Variants in ABRAXAS2 observed in about 807,000 individuals in gnomAD.
The protein encoded by ABRAXAS2 is abraxas 2, BRISC complex subunit.
A neutral mutation model predicts 49.0 loss-of-function variants in ABRAXAS2; 23 were observed. That is an observed-to-expected ratio of 0.47 (90% confidence interval 0.34 to 0.66). The LOEUF is 0.66. Ranked by LOEUF, ABRAXAS2 falls within the 30% of genes least tolerant of loss-of-function variation. ABRAXAS2 has a pLI of 0.01. For missense variants in ABRAXAS2, 443 were observed against 511.9 expected, an observed-to-expected ratio of 0.87 and a Z score of 1.30; for synonymous variants, 168 against 180.2, an observed-to-expected ratio of 0.93 and a Z score of 0.54.
intron 2 of ABRAXAS2, among the ~76,000 whole-genome samples, chr10:124,812,442 C>T (rs1225506696): frequency 6.6e-6 from 1 of 152,052 alleles, no homozygotes; most frequent in Non-Finnish European, 1.5e-5. Context: ...GCCAGGAGTT[C>T]AAGACCGGCT....
At position 124,829,457 on chromosome 10, in the gene ABRAXAS2, G is replaced by A; in HGVS notation, c.643G>A (p.Ala215Thr). The A allele has an allele frequency of 6.2e-7, 1 of 1,607,418 alleles. No individual in the cohort carries two copies. Among genetic ancestry groups the A allele is most frequent in the Non-Finnish European group, 8.5e-7 (1 of 1,175,698 alleles). The part of the protein sequence containing the change: ...DIRAIYQVYN[A>T]LQEKVQAVCA... ...CAGGGCGATTTATCAGGTTTATAAT[G>A]CACTTCAGGAGAAAGTTCAGGTAAC... The change falls in exon 7 of 9, where the codon GCA (alanine) becomes ACA (threonine). Residue 215 changes from alanine (A) to threonine (T), a missense_variant. Around this residue, in one of 3 missense-constraint regions of ABRAXAS2, gnomAD observed 166 missense variants for 247.3 expected, o/e 0.67. Coordinates refer to ENST00000298492, the MANE Select transcript of ABRAXAS2 (RefSeq NM_032182.4).
At chr10:124,825,173 C>T (rs1425387134) in intron 4 of ABRAXAS2, among the ~76,000 whole-genome samples, 5 of 151,870 alleles carry the variant, frequency 3.3e-5, no homozygotes, top group Non-Finnish European at 5.9e-5. Context: ...AATAAATTAG[C>T]CAGGCGCGGT....
At chr10:124,802,004 C>T (rs1369362095) in intron 1 of ABRAXAS2, 103 bp downstream of exon 1, 8 of 1,185,664 alleles carry the variant, frequency 6.7e-6, no homozygotes, top group Non-Finnish European at 9.6e-6. Flanking sequence ...GCCCCCTGGG[C>T]ACCAGGGCCG....
At chr10:124,826,541 C>A in intron 4 of ABRAXAS2, 54 bp from the exon 5 acceptor site, 2 of 1,536,476 alleles carry the variant, frequency 1.3e-6, no homozygotes, top group Non-Finnish European at 1.8e-6. Flanking sequence ...TGTATGGATA[C>A]ATTCAGAATT....
chr10:124,834,556 C>T lies in ABRAXAS2; in HGVS notation c.833C>T (p.Ala278Val), dbSNP rs767502502. Residue 278 changes from alanine (A) to valine (V), a missense_variant, in exon 9 of 9, where the codon GCG (alanine) becomes GTG (valine). Ala to Val is a moderately conservative substitution (Grantham distance 64, BLOSUM62 0). This residue lies in a region of ABRAXAS2 where 230 missense variants were observed against 237.0 expected (regional missense o/e 0.97). Transcript: ENST00000298492. ...ATGCCGTCTGAAAGCTTGGACCCAG[C>T]GTTCAGTCCTCGGATGCCGTCCTCT... ...RQMPSESLDP[A>V]FSPRMPSSGF... 4 of 1,614,182 alleles carry T rather than the reference C, an allele frequency of 2.5e-6. No individual in the cohort carries two copies. Among genetic ancestry groups the T allele is most frequent in the East Asian group, 2.2e-5 (1 of 44,886 alleles).
chr10:124,829,323 G>C, intron 6 of ABRAXAS2, 70 bp from the exon 7 acceptor site: 1 of 1,060,662 alleles, frequency 9.4e-7, no homozygotes, highest in Non-Finnish European at 1.5e-6. Context: ...GGAAGAGGCA[G>C]GAAAAATGCC....
chr10:124,818,135 G>A (rs963016675), intron 3 of ABRAXAS2, among the ~76,000 whole-genome samples: 3 of 152,154 alleles, frequency 2.0e-5, no homozygotes, highest in East Asian at 1.9e-4. Context: ...GGTGGCTCAC[G>A]CCTGTAATCC....
intron 4 of ABRAXAS2, among the ~76,000 whole-genome samples, chr10:124,825,627 A>C (rs1950891815): frequency 6.6e-6 from 1 of 152,226 alleles, no homozygotes; most frequent in Admixed American, 6.5e-5. Flanking sequence ...ATCTCAATTT[A>C]CTATTAATTT....
intron 4 of ABRAXAS2, among the ~76,000 whole-genome samples, chr10:124,823,011 A>T (rs540156585): frequency 6.6e-6 from 1 of 152,314 alleles, no homozygotes; most frequent in African/African-American, 2.4e-5. Flanking sequence ...TTTGTGCTAA[A>T]ACAAATGTTC....
intron 1 of ABRAXAS2, among the ~76,000 whole-genome samples, chr10:124,806,395 C>T (rs2134157692): frequency 6.6e-6 from 1 of 151,992 alleles, no homozygotes; most frequent in Middle Eastern, 3.4e-3. Context: ...ATTTTCTATG[C>T]CAGCCTGTAT....
chr10:124,834,423 C>G lies in ABRAXAS2; in HGVS notation c.779-79C>G, dbSNP rs1341473259. On this transcript the variant is annotated intron_variant, in intron 8 of 8. Coordinates refer to ENST00000298492, the MANE Select transcript of ABRAXAS2 (RefSeq NM_032182.4). Reference sequence around the variant, plus strand: ...CCTCACTGCTATTTTCCAGAACATTCAGGTTGGCCGTGTTATACATTGAGA... The same window carrying G: ...CCTCACTGCTATTTTCCAGAACATTGAGGTTGGCCGTGTTATACATTGAGA... The G allele has an allele frequency of 2.5e-6, 3 of 1,222,068 alleles. No individual in the cohort carries two copies. In the African/African-American group the frequency reaches 4.5e-5, roughly 18 times the overall value. 75.7% of individuals were successfully genotyped at this position (1,222,068 alleles called of 1,614,324 possible). A position where few individuals can be genotyped will look rare whatever the true frequency, so the allele number is the denominator to read the frequency against.
chr10:124,808,032 A>G (rs1950759200), intron 2 of ABRAXAS2, among the ~76,000 whole-genome samples: 1 of 152,228 alleles, frequency 6.6e-6, no homozygotes, highest in African/African-American at 2.4e-5. Flanking sequence ...CTTTATAGCT[A>G]TAGACACGCC....
At chr10:124,823,103 G>T (rs950267083) in intron 4 of ABRAXAS2, among the ~76,000 whole-genome samples, 1 of 152,106 alleles carries the variant, frequency 6.6e-6, no homozygotes, top group African/African-American at 2.4e-5. Context: ...GATATTTGTT[G>T]AGAGTGGGAG....
At position 124,826,764 on chromosome 10, in the gene ABRAXAS2, T is replaced by C. The variant is rs1213492590; in HGVS notation, c.437T>C (p.Val146Ala). The C allele has an allele frequency of 1.2e-6, 2 of 1,614,206 alleles. No homozygotes were observed. The highest frequency in any genetic ancestry group is 1.7e-5 in the Admixed American group (1 of 60,018). The part of the protein sequence containing the change: ...ANNSTHALEY[V>A]LFRPNRRYNQ... ...AATTCCACTCACGCTTTAGAATATGTGCTCTTCAGACCAAATAGAAGGTAA... is the reference window on the plus strand; with the variant it reads ...AATTCCACTCACGCTTTAGAATATGCGCTCTTCAGACCAAATAGAAGGTAA... Residue 146 changes from valine (V) to alanine (A), a missense_variant, in exon 5 of 9, where the codon GTG becomes GCG. Physicochemically the swap from Val to Ala is moderately conservative, Grantham distance 64. Coordinates refer to ENST00000298492, the MANE Select transcript of ABRAXAS2 (RefSeq NM_032182.4).
At chr10:124,819,523 A>G in intron 4 of ABRAXAS2, 73 bp downstream of exon 4, 1 of 1,324,854 alleles carries the variant, frequency 7.5e-7, no homozygotes, top group Non-Finnish European at 1.1e-6. Context: ...CCAGACAGGA[A>G]TGTAAAATGG....
rs781052243 is a variant in ABRAXAS2 at position 124,806,869 on chromosome 10, G to A, written c.111G>A (p.Thr37=). The A allele has an allele frequency of 1.2e-5, 20 of 1,611,770 alleles. No individual in the cohort carries two copies. The South Asian group carries it at 1.3e-4, about 11-fold the overall frequency. The change falls in exon 2 of 9, where the codon ACG becomes ACA. Residue 37 remains threonine (T), a synonymous_variant. Transcript: ENST00000298492. Reference sequence around the variant, plus strand: ...TGGGAGAGGTAAGACAAGAGGAAACGTTTAGCATCAGTGACTCACAAATCA... The same window carrying A: ...TGGGAGAGGTAAGACAAGAGGAAACATTTAGCATCAGTGACTCACAAATCA... ...FLLGEVRQEE[T]FSISDSQISN...
intron 1 of ABRAXAS2, among the ~76,000 whole-genome samples, chr10:124,804,587 C>T (rs1950727589): frequency 6.6e-6 from 1 of 151,036 alleles, no homozygotes; most frequent in Admixed American, 6.6e-5. Context: ...GAATTCATAA[C>T]TGAAAGATTT....
rs545708566 is a variant in ABRAXAS2, at chr10:124,810,172, C to T, written c.163+3251C>T. On this transcript the variant is annotated intron_variant, in intron 2 of 8. Coordinates refer to ENST00000298492, the MANE Select transcript of ABRAXAS2 (RefSeq NM_032182.4). ...CAGGGAAGCCAAAAGATTGGATACT[C>T]CTGCCCTGGTGGATCAAAACTATAA... is the stretch of plus-strand genomic sequence containing the variant. Among the ~76,000 whole-genome samples the T allele has an allele frequency of 3.3e-4, 51 of 152,306 alleles. No individual in the cohort carries two copies. In the South Asian group the frequency reaches 0.01, roughly 31 times the overall value.
At chr10:124,817,085 C>T (rs913086406) in intron 3 of ABRAXAS2, among the ~76,000 whole-genome samples, 2 of 152,122 alleles carry the variant, frequency 1.3e-5, no homozygotes, top group Admixed American at 6.6e-5. Context: ...ATGGTTTTTC[C>T]TGTATGTACA....
Sources: gnomAD v4.1 joint callset for allele counts (sites outside exome capture counted in the v4.1 genomes callset) on GRCh38, gnomAD v4.1.1 for gene constraint, gnomAD v4.1.1 regional missense constraint, MANE v1.5 for transcripts, NCBI Gene and HGNC (gene_info 2026-07-23, HGNC 2026-07-21) for gene names.